The following FGD4 variants were observed in gnomAD, a reference collection of about 807,000 sequenced individuals.
The protein encoded by FGD4 is FYVE, RhoGEF and PH domain containing 4.
Under a neutral mutation model 102.0 loss-of-function variants are expected in FGD4, and 42 were observed. That is an observed-to-expected ratio of 0.41 (90% CI 0.32 to 0.53). FGD4 has a LOEUF of 0.53. FGD4 is among the 20% of genes least tolerant of loss of function. The pLI is 0.21. For missense variants in FGD4, 902 were observed against 1,078.2 expected, an observed-to-expected ratio of 0.84 and a Z score of 2.29; for synonymous variants, 380 against 375.7, an observed-to-expected ratio of 1.01 and a Z score of -0.13.
intron 1 of FGD4, among the ~76,000 whole-genome samples, chr12:32,535,789 G>T (rs2136094611): frequency 6.6e-6 from 1 of 152,266 alleles, no homozygotes; most frequent in Non-Finnish European, 1.5e-5. Context: ...ATTCCCTCCT[G>T]GAAGGCAGCT....
chr12:32,423,262 C>T (rs373455420), intron 1 of FGD4, among the ~76,000 whole-genome samples: 4 of 152,088 alleles, frequency 2.6e-5, no homozygotes, highest in African/African-American at 9.7e-5. Context: ...AATTCAAGAA[C>T]AAGCTGACAG....
intron 1 of FGD4, among the ~76,000 whole-genome samples, chr12:32,545,317 C>G (rs1041766557): frequency 7.2e-5 from 11 of 152,160 alleles, no homozygotes; most frequent in African/African-American, 2.4e-4. Context: ...AATGAGTTCA[C>G]AGAAACCTAG....
chr12:32,601,362 T>G lies in FGD4; in HGVS notation c.1186T>G (p.Ser396Ala). ...MVNKIFSNIS[S>A]INAFHSKFLL... ...GAATAAAATCTTTTCTAATATTTCATCAATAAATGCCTTCCATAGTAAATT... is the reference window on the plus strand; with the variant it reads ...GAATAAAATCTTTTCTAATATTTCAGCAATAAATGCCTTCCATAGTAAATT... The change falls in exon 6 of 17, where the codon TCA becomes GCA. Residue 396 changes from serine (S) to alanine (A), a missense_variant. Ser to Ala is a moderately conservative substitution (Grantham distance 99). Coordinates refer to ENST00000534526, the MANE Select transcript of FGD4 (RefSeq NM_001370298.3). 1.2e-6 allele frequency: 2 copies of G among 1,614,136 alleles called. No individual in the cohort carries two copies. Among genetic ancestry groups the G allele is most frequent in the Non-Finnish European group, 1.7e-6 (2 of 1,180,016 alleles).
intron 1 of FGD4, among the ~76,000 whole-genome samples, chr12:32,453,772 G>C (rs1942875707): frequency 6.6e-6 from 1 of 152,080 alleles, no homozygotes; most frequent in Non-Finnish European, 1.5e-5. Context: ...GATTGAGGAG[G>C]GAAGGCTCAC....
chr12:32,453,176 TTA>T (rs1367502999), intron 1 of FGD4, among the ~76,000 whole-genome samples: 1 of 132,736 alleles, frequency 7.5e-6, no homozygotes, highest in South Asian at 2.4e-4. Flanking sequence ...TATATCTATA[TTA>T]TATATATATT....
Position 32,598,522 on chromosome 12 carries a change from A to G in FGD4, c.1037A>G (p.Lys346Arg). 6.2e-7 allele frequency: 1 copy of G among 1,613,646 alleles called. No individual in the cohort carries two copies. The highest frequency in any genetic ancestry group is 8.5e-7 in the Non-Finnish European group (1 of 1,179,846). The change falls in exon 5 of 17, where the codon AAA becomes AGA. Residue 346 changes from lysine (K) to arginine (R), a missense_variant. Physicochemically the swap from Lys to Arg is conservative, Grantham distance 26 (BLOSUM62 2). This residue lies in a region of FGD4 where 443 missense variants were observed against 459.2 expected (regional missense o/e 0.96). Transcript: ENST00000534526. ...MKETNEQKLH[K>R]IANELLLTER... ...GAGACTAATGAGCAAAAACTTCACAAAATAGCCAATGAACTTTTGCTTACT... is the reference window on the plus strand; with the variant it reads ...GAGACTAATGAGCAAAAACTTCACAGAATAGCCAATGAACTTTTGCTTACT...
At chr12:32,442,041 GTGT>G (rs1565742551) in intron 1 of FGD4, among the ~76,000 whole-genome samples, 20 of 128,798 alleles carry the variant, frequency 1.6e-4, no homozygotes, top group African/African-American at 5.7e-4. Context: ...GAGTGTTGTT[GTGT>G]TTTTTTTTTT....
At chr12:32,560,692 T>A (rs1277069582) in intron 1 of FGD4, among the ~76,000 whole-genome samples, 1 of 151,932 alleles carries the variant, frequency 6.6e-6, no homozygotes, top group Non-Finnish European at 1.5e-5. Flanking sequence ...ACCCCTGCCT[T>A]TTTTTTTCTT....
At chr12:32,530,949 T>G (rs1181351292) in intron 1 of FGD4, among the ~76,000 whole-genome samples, 2 of 126,416 alleles carry the variant, frequency 1.6e-5, no homozygotes, top group East Asian at 2.2e-4. Flanking sequence ...TGGTTTTTTT[T>G]TTTTTTTTTT....
chr12:32,604,009 A>C (rs1273337330), intron 7 of FGD4, among the ~76,000 whole-genome samples: 1 of 152,162 alleles, frequency 6.6e-6, no homozygotes, highest in Non-Finnish European at 1.5e-5. Flanking sequence ...CCCCCCCAGC[A>C]CTTTGAATAT....
chr12:32,558,964 T>C (rs1944328852), intron 1 of FGD4, among the ~76,000 whole-genome samples: 1 of 152,210 alleles, frequency 6.6e-6, no homozygotes, highest in Non-Finnish European at 1.5e-5. Context: ...CGGATACCTC[T>C]CCTTCCCCAT....
chr12:32,485,014 G>A (rs1451723241), intron 1 of FGD4, among the ~76,000 whole-genome samples: 1 of 152,166 alleles, frequency 6.6e-6, no homozygotes, highest in Non-Finnish European at 1.5e-5. Flanking sequence ...TGATCCTCCT[G>A]CCTCAGCCTG....
intron 16 of FGD4, 55 bp downstream of exon 16, chr12:32,638,850 C>T (rs755163394): frequency 6.8e-6 from 11 of 1,611,830 alleles, no homozygotes; most frequent in South Asian, 2.2e-5. Context: ...CAAGGGGAAG[C>T]GAGTGGACAG....
At chr12:32,526,905 C>T (rs1364300739) in intron 1 of FGD4, among the ~76,000 whole-genome samples, 1 of 152,200 alleles carries the variant, frequency 6.6e-6, no homozygotes. Flanking sequence ...ATTCCGAACA[C>T]ATTTTAACTC....
chr12:32,452,466 A>G (rs1215950886), intron 1 of FGD4, among the ~76,000 whole-genome samples: 1 of 152,268 alleles, frequency 6.6e-6, no homozygotes, highest in Non-Finnish European at 1.5e-5. Flanking sequence ...ACAAGTAGGA[A>G]GCTACTGAAG....
chr12:32,606,449 A>G (rs1215908636), intron 7 of FGD4, among the ~76,000 whole-genome samples: 1 of 145,970 alleles, frequency 6.9e-6, no homozygotes, highest in East Asian at 2.0e-4. Context: ...TACGTCTTCT[A>G]TTTTCCTCTA....
At chr12:32,464,464 T>G (rs1278964459) in intron 1 of FGD4, among the ~76,000 whole-genome samples, 2 of 152,184 alleles carry the variant, frequency 1.3e-5, no homozygotes, top group Non-Finnish European at 2.9e-5. Context: ...AGTCATGTTT[T>G]ATAATTGTTT....
chr12:32,404,524 C>G (rs1940840201), intron 1 of FGD4, among the ~76,000 whole-genome samples: 1 of 151,988 alleles, frequency 6.6e-6, no homozygotes, highest in African/African-American at 2.4e-5. Context: ...TTCAGAAAGT[C>G]CTATTGCAGT....
chr12:32,543,076 A>G (rs7305459), intron 1 of FGD4, among the ~76,000 whole-genome samples: 64,746 of 152,022 alleles, frequency 0.43, 15,792 homozygotes, highest in African/African-American at 0.68. Context: ...TGACTGACTC[A>G]CCGTAAATCA....
Sources: gnomAD v4.1 joint callset for allele counts (sites outside exome capture counted in the v4.1 genomes callset) on GRCh38, gnomAD v4.1.1 for gene constraint, gnomAD v4.1.1 regional missense constraint, MANE v1.5 for transcripts, NCBI Gene and HGNC (gene_info 2026-07-23, HGNC 2026-07-21) for gene names.